The following CDK12 variants were observed in gnomAD, a reference collection of about 807,000 sequenced individuals.
CDK12 encodes cyclin dependent kinase 12.
Under a neutral mutation model 133.8 loss-of-function variants are expected in CDK12, and 17 were observed. The ratio of observed to expected loss-of-function variants is 0.13; its 90% CI spans 0.09 to 0.19. CDK12 has a LOEUF of 0.19. Ranked by LOEUF, CDK12 falls within the 10% of genes least tolerant of loss-of-function variation. CDK12 has a pLI of 1.00. For synonymous variants in CDK12, 694 were observed against 683.6 expected, an observed-to-expected ratio of 1.02 and a Z score of -0.24; for missense variants, 1,508 against 1,818.7, an observed-to-expected ratio of 0.83 and a Z score of 3.11.
chr17:39,513,030 C>A (rs2053588683), intron 8 of CDK12, among the ~76,000 whole-genome samples: 1 of 152,156 alleles, frequency 6.6e-6, no homozygotes, highest in African/African-American at 2.4e-5. Context: ...AGTAGTGTTA[C>A]AGTAGAAAAC....
downstream of CDK12, among the ~76,000 whole-genome samples, chr17:39,537,548 T>TATTC (rs1292813610): frequency 7.5e-6 from 1 of 133,252 alleles, no homozygotes; most frequent in Non-Finnish European, 1.6e-5. Context: ...TCCTTATTTT[T>TATTC]ATTTATTTAT....
chr17:39,567,261 C>G (rs1291599975), downstream of CDK12: 1 of 152,250 alleles, frequency 6.6e-6, no homozygotes, highest in African/African-American at 2.4e-5. Context: ...ACCTGTCTTT[C>G]TCTGTGTCCT....
intron 6 of CDK12, among the ~76,000 whole-genome samples, chr17:39,509,460 G>T (rs551646455): frequency 1.3e-5 from 2 of 152,036 alleles, no homozygotes; most frequent in South Asian, 4.1e-4. Context: ...TAAGTGTAAG[G>T]CATTATAATT....
At chr17:39,497,304 G>A (rs1372115758) in intron 5 of CDK12, among the ~76,000 whole-genome samples, 2 of 152,072 alleles carry the variant, frequency 1.3e-5, no homozygotes, top group Non-Finnish European at 2.9e-5. Flanking sequence ...AGCATTTTGG[G>A]AGGCCAAGGC....
At chr17:39,564,603 C>T (rs1256975382) in intron 3 of CDK12, among the ~76,000 whole-genome samples, 1 of 152,200 alleles carries the variant, frequency 6.6e-6, no homozygotes, top group South Asian at 2.1e-4. Context: ...TCCTCTGGTA[C>T]CTTGTCCTCT....
rs550451255 is a variant in CDK12 at position 39,487,715 on chromosome 17, C to G, written c.1932-2842C>G. On this transcript the variant is annotated intron_variant, in intron 2 of 13. Transcript: ENST00000447079. ...TACTGCAACCTTGACCTCCCCAGTT[C>G]AAGCAATTCTCATGCCTCACAAGTA... Among the ~76,000 whole-genome samples the G allele has an allele frequency of 4.8e-5, 7 of 146,932 alleles. No homozygotes were observed. In the South Asian group the frequency reaches 1.5e-3, roughly 32 times the overall value.
intron 6 of CDK12, among the ~76,000 whole-genome samples, chr17:39,504,088 G>GA (rs1474641433): frequency 6.6e-6 from 1 of 152,154 alleles, no homozygotes; most frequent in African/African-American, 2.4e-5. Context: ...GGTAGATAAT[G>GA]AATTAGAGAA....
intron 6 of CDK12, among the ~76,000 whole-genome samples, chr17:39,504,370 A>G (rs981878049): frequency 7.9e-5 from 12 of 152,170 alleles, no homozygotes; most frequent in Non-Finnish European, 1.3e-4. Flanking sequence ...GAAGAAAATA[A>G]GGAAAATATG....
chr17:39,483,973 G>A (rs564820212), intron 2 of CDK12, among the ~76,000 whole-genome samples: 58 of 152,044 alleles, frequency 3.8e-4, no homozygotes, highest in African/African-American at 1.4e-3. Flanking sequence ...TTCCCAAGTG[G>A]CTGGGATTAC....
chr17:39,526,327 C>T lies in CDK12; in HGVS notation c.3760+11C>T, dbSNP rs757424404. On this transcript the variant is annotated intron_variant, in intron 13 of 13. Transcript: ENST00000447079. ...AGGAGGAGGCAGCAGGTAAACAGACCGGTCATGAATCTCATTGAGCTCAGG... is the reference window on the plus strand; with the variant it reads ...AGGAGGAGGCAGCAGGTAAACAGACTGGTCATGAATCTCATTGAGCTCAGG... 9 of 1,565,314 alleles carry T rather than the reference C, an allele frequency of 5.7e-6. No homozygotes were observed. Among genetic ancestry groups the T allele is most frequent in the East Asian group, 4.6e-5 (2 of 43,632 alleles).
At chr17:39,463,190 T>G in intron 1 of CDK12, 73 bp downstream of exon 1, 1 of 1,344,822 alleles carries the variant, frequency 7.4e-7, no homozygotes, top group Non-Finnish European at 1.0e-6. Context: ...CGTGTTAACA[T>G]TGTCTGGAAG....
intron 3 of CDK12, among the ~76,000 whole-genome samples, chr17:39,561,718 T>C (rs886630640): frequency 6.6e-6 from 1 of 152,126 alleles, no homozygotes; most frequent in Non-Finnish European, 1.5e-5. Context: ...GATGTTACCA[T>C]TGCTCTCTTG....
intron 2 of CDK12, among the ~76,000 whole-genome samples, chr17:39,553,528 C>T (rs934699657): frequency 2.0e-5 from 3 of 152,326 alleles, no homozygotes; most frequent in Middle Eastern, 3.4e-3. Context: ...TGTGCCAGCT[C>T]GCCTGGCTAG....
chr17:39,507,747 A>G (rs1256254865), intron 6 of CDK12, among the ~76,000 whole-genome samples: 2 of 152,222 alleles, frequency 1.3e-5, no homozygotes, highest in East Asian at 3.8e-4. Flanking sequence ...TGAATCTTAC[A>G]TAATTTCAGG....
rs1598041774 is a variant in CDK12 at position 39,494,456 on chromosome 17, A to G, written c.2249-68A>G. On this transcript the variant is annotated intron_variant, in intron 4 of 13. Transcript: ENST00000447079. The stretch of plus-strand genomic sequence containing the variant: ...AGTTTGTCTTCCAGAGCAAGGGCAT[A>G]TATTGCTGGTTCACAATAGTGGCCA... 3 of 1,307,658 alleles carry G rather than the reference A, an allele frequency of 2.3e-6. No individual in the cohort carries two copies. In the South Asian group the frequency reaches 3.7e-5, roughly 16 times the overall value. The allele number at this position is 1,307,658 out of a possible 1,614,324, so 81.0% of individuals were successfully genotyped here.
In CDK12 at chr17:39,511,525, T is replaced by C; in HGVS notation, c.2667-4T>C. 6.3e-7 allele frequency: 1 copy of C among 1,583,666 alleles called. No individual in the cohort carries two copies. Among genetic ancestry groups the C allele is most frequent in the South Asian group, 1.1e-5 (1 of 88,462 alleles). On this transcript the variant is annotated splice_region_variant and splice_polypyrimidine_tract_variant and intron_variant, in intron 7 of 13. Transcript: ENST00000447079. ...TTATGTCATGGTTGTTTTTTATATT[T>C]CAGTCGCCCTTACACAAACAAAGTC...
At chr17:39,539,736 A>G (rs898750057) in intron 1 of CDK12, among the ~76,000 whole-genome samples, 4 of 152,206 alleles carry the variant, frequency 2.6e-5, no homozygotes, top group African/African-American at 9.6e-5. Flanking sequence ...TATTATAATA[A>G]GAGGAAACCA....
chr17:39,561,725 C>T (rs1461597494), intron 3 of CDK12, among the ~76,000 whole-genome samples: 1 of 152,136 alleles, frequency 6.6e-6, no homozygotes, highest in Non-Finnish European at 1.5e-5. Context: ...CCATTGCTCT[C>T]TTGGCCTATT....
At chr17:39,567,458 G>A (rs2056605149), downstream of CDK12, 1 of 152,224 alleles carries the variant, frequency 6.6e-6, no homozygotes, top group Non-Finnish European at 1.5e-5. Context: ...ATTTCTATCT[G>A]TGTTCACCAA....
Sources: allele counts gnomAD v4.1 joint callset (sites outside exome capture counted in the v4.1 genomes callset), GRCh38; gene constraint gnomAD v4.1.1; transcripts MANE v1.5; gene names NCBI Gene and HGNC (gene_info 2026-07-23, HGNC 2026-07-21).